The following PARD3B variants were observed in gnomAD, a reference collection of about 807,000 sequenced individuals.
PARD3B encodes the protein partitioning defective 3 homolog B.
PARD3B carries 103 observed loss-of-function variants against 130.2 expected under a neutral mutation model. The observed-to-expected ratio is 0.79, with a 90% CI of 0.67 to 0.93. PARD3B has a LOEUF of 0.93. Among genes scored for constraint, PARD3B ranks in the 40% least tolerant of loss-of-function variants. The pLI, the probability that PARD3B is intolerant of heterozygous loss-of-function variation, is 0.00. For synonymous variants in PARD3B, 583 were observed against 553.2 expected, an observed-to-expected ratio of 1.05 and a Z score of -0.76; for missense variants, 1,609 against 1,499.2, an observed-to-expected ratio of 1.07 and a Z score of -1.21.
chr2:204,935,538 CAAAAACAAATA>C (rs991213510), intron 2 of PARD3B, among the ~76,000 whole-genome samples: 3 of 151,020 alleles, frequency 2.0e-5, no homozygotes, highest in Non-Finnish European at 4.4e-5. Flanking sequence ...GACTCCGTCT[CAAAAACAAATA>C]AAAAAGAATG....
chr2:205,610,009 T>G (rs183195990), intron 22 of PARD3B, among the ~76,000 whole-genome samples: 21 of 152,350 alleles, frequency 1.4e-4, no homozygotes, highest in Admixed American at 2.6e-4. Context: ...TAATAAATTA[T>G]AGCAGACTCA....
chr2:205,067,095 CTTTTTTTTTTTTTTTT>C (rs10672449), intron 4 of PARD3B, among the ~76,000 whole-genome samples: 7 of 59,722 alleles, frequency 1.2e-4, no homozygotes, highest in African/African-American at 4.4e-4. Context: ...TTTTACTAGG[CTTTTTTTTTTTTTTTT>C]TTTTTTTTTT....
At chr2:205,299,123 C>T (rs139831827) in intron 16 of PARD3B, among the ~76,000 whole-genome samples, 2 of 152,236 alleles carry the variant, frequency 1.3e-5, no homozygotes, top group African/African-American at 4.8e-5. Context: ...ATTTTTAACA[C>T]GTTCGGATCA....
intron 3 of PARD3B, among the ~76,000 whole-genome samples, chr2:204,977,281 A>C (rs891227760): frequency 1.3e-5 from 2 of 152,148 alleles, no homozygotes; most frequent in Non-Finnish European, 2.9e-5. Context: ...TATGGTTCAC[A>C]AGAATTTTCT....
Position 204,972,751 on chromosome 2 carries a change from C to A in PARD3B, c.394+7428C>A, listed in dbSNP as rs532342432. Among the ~76,000 whole-genome samples, 16 of 152,298 alleles carry A rather than the reference C, an allele frequency of 1.1e-4. No individual in the cohort carries two copies. The South Asian group carries it at 3.3e-3, about 32-fold the overall frequency. On this transcript the variant is annotated intron_variant, in intron 3 of 22. Coordinates refer to ENST00000406610, the MANE Select transcript of PARD3B (RefSeq NM_001302769.2). ...GAGTTCACCATCTCCCCTTTGGCCT[C>A]TTACCAATGCTGGACCCACACTGAG...
intron 2 of PARD3B, among the ~76,000 whole-genome samples, chr2:204,774,073 G>T (rs907838162): frequency 6.6e-6 from 1 of 151,852 alleles, no homozygotes; most frequent in Non-Finnish European, 1.5e-5. Flanking sequence ...TCCTCTGCAT[G>T]CCAATCTCTC....
intron 2 of PARD3B, among the ~76,000 whole-genome samples, chr2:204,840,349 T>C: frequency 6.6e-6 from 1 of 152,160 alleles, no homozygotes; most frequent in Non-Finnish European, 1.5e-5. Context: ...TCCAAAGCTG[T>C]GTTTTACTTC....
chr2:204,781,232 G>T (rs1034480102), intron 2 of PARD3B, among the ~76,000 whole-genome samples: 4 of 151,948 alleles, frequency 2.6e-5, no homozygotes, highest in Admixed American at 2.6e-4. Context: ...ATTTTAATCT[G>T]CCTTTTAGCT....
intron 21 of PARD3B, among the ~76,000 whole-genome samples, chr2:205,532,491 G>A (rs1409674045): frequency 6.6e-6 from 1 of 152,154 alleles, no homozygotes; most frequent in Admixed American, 6.5e-5. Flanking sequence ...TGCTTGGGGG[G>A]GAAATGGTTC....
At chr2:204,746,714 C>T (rs992021170) in intron 2 of PARD3B, among the ~76,000 whole-genome samples, 18 of 152,266 alleles carry the variant, frequency 1.2e-4, no homozygotes, top group African/African-American at 4.1e-4. Flanking sequence ...TTTTGATTTG[C>T]ATTTCTCTGA....
chr2:204,800,407 T>C lies in PARD3B; in HGVS notation c.222+114125T>C, dbSNP rs150644814. On this transcript the variant is annotated intron_variant, in intron 2 of 22. Coordinates refer to ENST00000406610, the MANE Select transcript of PARD3B (RefSeq NM_001302769.2). ...TCGCCTCAAAAGGGCAAATTTAAGT[T>C]AGTGGCCTCAAAAAGTCAGTAGAGA... 3.2e-3 allele frequency among the ~76,000 whole-genome samples: 481 copies of C among 152,120 alleles called. 1 individual carries two copies. The highest frequency in any genetic ancestry group is 5.0e-3 in the Non-Finnish European group (343 of 67,990).
intron 2 of PARD3B, among the ~76,000 whole-genome samples, chr2:204,901,467 C>T (rs575566014): frequency 1.3e-5 from 2 of 151,312 alleles, no homozygotes; most frequent in African/African-American, 2.4e-5. Flanking sequence ...TGCTACCAGG[C>T]CTGGGACTCT....
At chr2:205,400,981 T>C in intron 18 of PARD3B, 32 bp from the exon 19 acceptor site, 7 of 1,499,002 alleles carry the variant, frequency 4.7e-6, no homozygotes, top group Non-Finnish European at 6.4e-6. Flanking sequence ...ATGTGATTAT[T>C]GTTAACAGCC....
At chr2:205,354,498 T>G (rs2044121093) in intron 18 of PARD3B, among the ~76,000 whole-genome samples, 2 of 143,706 alleles carry the variant, frequency 1.4e-5, no homozygotes, top group African/African-American at 5.0e-5. Flanking sequence ...AAAAAAATCT[T>G]TTTAGAGCTG....
At chr2:205,147,231 T>G (rs891765730) in intron 10 of PARD3B, among the ~76,000 whole-genome samples, 2 of 152,196 alleles carry the variant, frequency 1.3e-5, no homozygotes, top group Non-Finnish European at 2.9e-5. Context: ...TGACACAAAA[T>G]ATTATATTCA....
At chr2:204,723,917 AT>A (rs902637605) in intron 2 of PARD3B, among the ~76,000 whole-genome samples, 151 of 152,058 alleles carry the variant, frequency 9.9e-4, no homozygotes, top group African/African-American at 3.5e-3. Flanking sequence ...AGAAATAGTG[AT>A]TTTTTTTCCT....
At chr2:204,840,878 C>T (rs1402150031) in intron 2 of PARD3B, among the ~76,000 whole-genome samples, 1 of 152,028 alleles carries the variant, frequency 6.6e-6, no homozygotes, top group African/African-American at 2.4e-5. Flanking sequence ...TTCTGCCTAA[C>T]TGATAAGCTT....
intron 2 of PARD3B, among the ~76,000 whole-genome samples, chr2:204,706,920 A>T (rs1055871542): frequency 6.6e-6 from 1 of 152,214 alleles, no homozygotes; most frequent in African/African-American, 2.4e-5. Context: ...TTTGTGCCAA[A>T]TGTACAAAAA....
intron 10 of PARD3B, among the ~76,000 whole-genome samples, chr2:205,130,201 G>A (rs181325777): frequency 6.6e-6 from 1 of 152,300 alleles, no homozygotes; most frequent in Non-Finnish European, 1.5e-5. Flanking sequence ...ATAAGGAACA[G>A]TTTTGCAGAA....
Sources: allele counts gnomAD v4.1 joint callset (sites outside exome capture counted in the v4.1 genomes callset), GRCh38; gene constraint gnomAD v4.1.1; transcripts MANE v1.5; gene names NCBI Gene and HGNC (gene_info 2026-07-23, HGNC 2026-07-21).